PRKCE: variants seen among roughly 807,000 people sequenced by gnomAD.
The protein encoded by PRKCE is protein kinase C epsilon type.
Under a neutral mutation model 85.4 loss-of-function variants are expected in PRKCE, and 16 were observed. The observed-to-expected ratio is 0.19, with a 90% CI of 0.13 to 0.28. The LOEUF (loss-of-function observed/expected upper bound fraction) is 0.28, where lower values mean the gene tolerates loss of function less well. Among genes scored for constraint, PRKCE ranks in the 10% least tolerant of loss-of-function variants. PRKCE has a pLI of 1.00. For synonymous variants in PRKCE, 388 were observed against 371.5 expected (o/e 1.04, Z -0.51); for missense variants, 573 against 975.2 (o/e 0.59, Z 5.49).
At chr2:46,017,625 A>G (rs1706278706) in intron 10 of PRKCE, among the ~76,000 whole-genome samples, 2 of 152,352 alleles carry the variant, frequency 1.3e-5, no homozygotes, top group South Asian at 2.1e-4. Context: ...AGGAACCGCT[A>G]TACTGTTTTC....
At chr2:45,965,535 C>G (rs1353223734) in intron 2 of PRKCE, among the ~76,000 whole-genome samples, 1 of 152,190 alleles carries the variant, frequency 6.6e-6, no homozygotes, top group Non-Finnish European at 1.5e-5. Flanking sequence ...GAGCACCTCC[C>G]AGTCATAATC....
At chr2:46,087,753 C>T (rs1169369009) in intron 11 of PRKCE, among the ~76,000 whole-genome samples, 1 of 152,202 alleles carries the variant, frequency 6.6e-6, no homozygotes, top group Non-Finnish European at 1.5e-5. Flanking sequence ...CAGTGTATCA[C>T]GAAGCTGTGA....
At chr2:45,794,310 G>C (rs901644353) in intron 1 of PRKCE, among the ~76,000 whole-genome samples, 2 of 152,182 alleles carry the variant, frequency 1.3e-5, no homozygotes, top group African/African-American at 4.8e-5. Context: ...AGAGTAAATG[G>C]AGTGGCGCAC....
At chr2:45,716,665 GA>G in intron 1 of PRKCE, among the ~76,000 whole-genome samples, 1 of 126,962 alleles carries the variant, frequency 7.9e-6, no homozygotes. Flanking sequence ...AGAAGGAGAA[GA>G]AAAAGAAGAA....
At chr2:45,716,093 C>T (rs1009691742) in intron 1 of PRKCE, among the ~76,000 whole-genome samples, 5 of 152,224 alleles carry the variant, frequency 3.3e-5, no homozygotes, top group Non-Finnish European at 7.3e-5. Flanking sequence ...TTTCTGCACT[C>T]GTGTGTTACT....
At chr2:45,707,624 T>C (rs757322883) in intron 1 of PRKCE, among the ~76,000 whole-genome samples, 7 of 152,234 alleles carry the variant, frequency 4.6e-5, no homozygotes, top group Non-Finnish European at 1.0e-4. Context: ...TCAAGGATGT[T>C]TCCTTCAAAT....
chr2:45,781,182 AT>A (rs199968726), intron 1 of PRKCE, among the ~76,000 whole-genome samples: 8,894 of 150,994 alleles, frequency 0.059, 846 homozygotes, highest in African/African-American at 0.21. Context: ...CAAAATAATA[AT>A]AAAAAAAAAA....
rs191895126 is a variant in PRKCE at position 45,881,288 on chromosome 2, T to C, written c.412+38225T>C. On this transcript the variant is annotated intron_variant, in intron 2 of 14. Transcript: ENST00000306156. ...AGCCATGAAATTAAGGCAATCCATA[T>C]ATAGAACATGCTGTGTCTAATTTAG... is the stretch of plus-strand genomic sequence containing the variant. Among the ~76,000 whole-genome samples the C allele has an allele frequency of 6.2e-4, 94 of 152,258 alleles. No individual in the cohort carries two copies. In the Middle Eastern group the frequency reaches 0.01, roughly 17 times the overall value.
At chr2:45,962,769 G>A (rs537348163) in intron 2 of PRKCE, among the ~76,000 whole-genome samples, 27 of 152,220 alleles carry the variant, frequency 1.8e-4, no homozygotes, top group African/African-American at 4.6e-4. Context: ...TGCCAGCAGC[G>A]GGGGTGTCAG....
chr2:46,177,592 C>T (rs1679547787), intron 14 of PRKCE, among the ~76,000 whole-genome samples: 2 of 152,172 alleles, frequency 1.3e-5, no homozygotes, highest in African/African-American at 4.8e-5. Context: ...AATTTCCCCT[C>T]TTATAAGGAC....
chr2:45,738,066 G>A (rs185801066), intron 1 of PRKCE, among the ~76,000 whole-genome samples: 3 of 152,164 alleles, frequency 2.0e-5, no homozygotes, highest in Admixed American at 6.5e-5. Context: ...TGCAGGCGAC[G>A]CAAACCTTTT....
chr2:45,709,528 T>C (rs937346041), intron 1 of PRKCE, among the ~76,000 whole-genome samples: 9 of 152,214 alleles, frequency 5.9e-5, no homozygotes, highest in Non-Finnish European at 1.2e-4. Flanking sequence ...AAAGCTTTAG[T>C]ACAGACTATG....
chr2:45,861,378 A>G (rs778702753), intron 2 of PRKCE, among the ~76,000 whole-genome samples: 1 of 152,168 alleles, frequency 6.6e-6, no homozygotes, highest in Non-Finnish European at 1.5e-5. Context: ...TATATAATAG[A>G]TTGGGGGTAA....
chr2:45,990,666 T>G (rs915635197), intron 6 of PRKCE, among the ~76,000 whole-genome samples: 1 of 151,880 alleles, frequency 6.6e-6, no homozygotes, highest in Non-Finnish European at 1.5e-5. Context: ...TTCTTTTTTT[T>G]TTTTTTGAGA....
intron 2 of PRKCE, chr2:45,851,987 A>AG (rs1193891842): frequency 6.6e-6 from 1 of 152,320 alleles, no homozygotes; most frequent in Non-Finnish European, 1.5e-5. Flanking sequence ...CAGTAACTCC[A>AG]GGAACCACTT....
At chr2:45,927,192 G>A (rs1423757023) in intron 2 of PRKCE, among the ~76,000 whole-genome samples, 3 of 152,058 alleles carry the variant, frequency 2.0e-5, no homozygotes, top group African/African-American at 7.3e-5. Context: ...TATAGTCCAT[G>A]TGTGAGTGTG....
chr2:45,929,667 T>A (rs1698888997), intron 2 of PRKCE, among the ~76,000 whole-genome samples: 1 of 152,208 alleles, frequency 6.6e-6, no homozygotes, highest in Non-Finnish European at 1.5e-5. Context: ...CCATTGGGAA[T>A]TTTTGTAAGC....
At chr2:45,941,573 G>A (rs921431160) in intron 2 of PRKCE, among the ~76,000 whole-genome samples, 2 of 152,180 alleles carry the variant, frequency 1.3e-5, no homozygotes, top group South Asian at 2.1e-4. Flanking sequence ...GAACTTCAAC[G>A]GAACCTTGAA....
chr2:45,787,179 G>GC (rs1382646913), intron 1 of PRKCE, among the ~76,000 whole-genome samples: 3 of 152,260 alleles, frequency 2.0e-5, no homozygotes, highest in African/African-American at 7.2e-5. Context: ...GGGGCGCTGA[G>GC]CTTCTCAACA....
Sources: gnomAD v4.1 joint callset for allele counts (sites outside exome capture counted in the v4.1 genomes callset) on GRCh38, gnomAD v4.1.1 for gene constraint, MANE v1.5 for transcripts, NCBI Gene and HGNC (gene_info 2026-07-23, HGNC 2026-07-21) for gene names.